Variants in DNER observed in about 807,000 individuals in gnomAD.
The protein encoded by DNER is delta and Notch-like epidermal growth factor-related receptor.
A neutral mutation model predicts 78.2 loss-of-function variants in DNER; 33 were observed. The observed-to-expected ratio is 0.42, with a 90% confidence interval of 0.32 to 0.56. DNER has a LOEUF of 0.56. DNER is among the 20% of genes least tolerant of loss of function. The pLI is 0.11. For missense variants in DNER, 918 were observed against 975.3 expected, an observed-to-expected ratio of 0.94 and a Z score of 0.78; for synonymous variants, 417 against 384.8, an observed-to-expected ratio of 1.08 and a Z score of -0.98.
chr2:229,695,134 T>A (rs1699642416), intron 1 of DNER, among the ~76,000 whole-genome samples: 1 of 152,214 alleles, frequency 6.6e-6, no homozygotes, highest in African/African-American at 2.4e-5. Flanking sequence ...TTGCTTCCCC[T>A]TTCACCATGA....
chr2:229,604,484 G>T (rs1697896015), intron 1 of DNER, among the ~76,000 whole-genome samples: 1 of 152,160 alleles, frequency 6.6e-6, no homozygotes, highest in African/African-American at 2.4e-5. Context: ...AGAAGTTGGA[G>T]AGAGAAATCT....
chr2:229,373,097 A>G (rs995100285), intron 11 of DNER, among the ~76,000 whole-genome samples: 3 of 152,202 alleles, frequency 2.0e-5, no homozygotes, highest in Admixed American at 6.5e-5. Flanking sequence ...AAAAATTGAC[A>G]AGTGAGACCT....
intron 1 of DNER, among the ~76,000 whole-genome samples, chr2:229,684,124 T>TGTGTG (rs1559208232): frequency 0.017 from 1,147 of 66,864 alleles, no homozygotes; most frequent in Non-Finnish European, 0.022. Flanking sequence ...GTGTGTGTGT[T>TGTGTG]TGTGTGTGTG....
At chr2:229,396,289 C>A (rs568270312) in intron 10 of DNER, among the ~76,000 whole-genome samples, 1 of 133,950 alleles carries the variant, frequency 7.5e-6, no homozygotes, top group Non-Finnish European at 1.6e-5. Context: ...AACTCAAATG[C>A]CTTTTAGTTT....
At chr2:229,568,436 T>C (rs1274080063) in intron 4 of DNER, among the ~76,000 whole-genome samples, 1 of 152,176 alleles carries the variant, frequency 6.6e-6, no homozygotes, top group Non-Finnish European at 1.5e-5. Flanking sequence ...GACTCCGCAG[T>C]AGGAAATGCA....
Position 229,404,874 on chromosome 2 carries a change from A to G in DNER, c.1723+2358T>C, listed in dbSNP as rs183178306. ...AGGAGAATATTTCTAAACTCTTGAT[A>G]TATAGAATCTTTCAGCATGAAACAC... is the stretch of plus-strand genomic sequence containing the variant. On this transcript the variant is annotated intron_variant, in intron 10 of 12. Coordinates refer to ENST00000341772, the MANE Select transcript of DNER (RefSeq NM_139072.4). Among the ~76,000 whole-genome samples the G allele has an allele frequency of 1.5e-3, 224 of 152,352 alleles. 2 individuals are homozygous for G. In the Middle Eastern group the frequency reaches 0.024, roughly 16 times the overall value.
chr2:229,651,572 CTA>C (rs895317702), intron 1 of DNER, among the ~76,000 whole-genome samples: 4 of 152,234 alleles, frequency 2.6e-5, no homozygotes, highest in African/African-American at 4.8e-5. Flanking sequence ...AGCCAGGTCT[CTA>C]TCCATTCTCA....
intron 8 of DNER, among the ~76,000 whole-genome samples, chr2:229,443,833 C>G (rs550825290): frequency 6.6e-6 from 1 of 152,134 alleles, no homozygotes. Flanking sequence ...AAGATGAAGA[C>G]GAGAAATTTC....
At chr2:229,641,294 T>C (rs1162527699) in intron 1 of DNER, among the ~76,000 whole-genome samples, 1 of 152,112 alleles carries the variant, frequency 6.6e-6, no homozygotes, top group Non-Finnish European at 1.5e-5. Flanking sequence ...GTTGGATGGA[T>C]CTTTAATAGT....
At chr2:229,580,722 T>C (rs1697377280) in intron 4 of DNER, among the ~76,000 whole-genome samples, 1 of 152,162 alleles carries the variant, frequency 6.6e-6, no homozygotes, top group Non-Finnish European at 1.5e-5. Context: ...TCGGGGTTTC[T>C]CTGAGGCAGG....
intron 6 of DNER, among the ~76,000 whole-genome samples, chr2:229,503,800 A>T (rs570167026): frequency 6.6e-6 from 1 of 152,304 alleles, no homozygotes; most frequent in South Asian, 2.1e-4. Context: ...TGAATATAGT[A>T]GCACTACCTC....
chr2:229,420,576 T>A (rs1451069776), intron 8 of DNER, among the ~76,000 whole-genome samples: 2 of 152,188 alleles, frequency 1.3e-5, no homozygotes, highest in African/African-American at 2.4e-5. Context: ...AAGCTTTTAG[T>A]CCATTTTGAG....
Position 229,463,651 on chromosome 2 carries a change from G to T in DNER, c.1261+13489C>A, listed in dbSNP as rs373874034. ...AATGTGATCTCCCTATGTTGCCCAG[G>T]CTTGTCTTGAACTCCTGCCCTCAAG... On this transcript the variant is annotated intron_variant, in intron 7 of 12. Coordinates refer to ENST00000341772, the MANE Select transcript of DNER (RefSeq NM_139072.4). 3.7e-4 allele frequency among the ~76,000 whole-genome samples: 56 copies of T among 152,186 alleles called. 1 individual carries two copies. Among genetic ancestry groups the T allele is most frequent in the African/African-American group, 1.3e-3 (53 of 41,540 alleles).
At chr2:229,617,014 C>A (rs1470717852) in intron 1 of DNER, among the ~76,000 whole-genome samples, 5 of 152,106 alleles carry the variant, frequency 3.3e-5, no homozygotes, top group Non-Finnish European at 7.4e-5. Flanking sequence ...TGAAGAAGAA[C>A]CGAAAGATGA....
chr2:229,369,586 G>C (rs976882988), intron 11 of DNER, among the ~76,000 whole-genome samples: 29 of 152,184 alleles, frequency 1.9e-4, no homozygotes, highest in African/African-American at 7.0e-4. Flanking sequence ...AGGAGGGAAG[G>C]ATAAAGGGTC....
chr2:229,714,364 C>T lies in DNER; in HGVS notation c.60G>A (p.Leu20=). The change falls in exon 1 of 13, where the codon CTG becomes CTA. Residue 20 remains leucine (L), a synonymous_variant. Coordinates refer to ENST00000341772, the MANE Select transcript of DNER (RefSeq NM_139072.4). ...GGGGCCCCGCTCCGAGCAGCAGCAG[C>T]AGCAGGGCCAGCGCGGGCAGCAGCT... ...GAQLLPALAL[L]LLLLGAGPRG... The T allele has an allele frequency of 2.4e-6, 3 of 1,226,850 alleles. No individual in the cohort carries two copies. The highest frequency in any genetic ancestry group is 1.0e-6 in the Non-Finnish European group (1 of 987,540). 76.0% of individuals were successfully genotyped at this position (1,226,850 alleles called of 1,614,324 possible).
intron 12 of DNER, among the ~76,000 whole-genome samples, chr2:229,360,553 C>T (rs1243562940): frequency 6.6e-6 from 1 of 152,192 alleles, no homozygotes; most frequent in African/African-American, 2.4e-5. Flanking sequence ...GCTGGGACTA[C>T]AGGCGCCCGC....
intron 10 of DNER, among the ~76,000 whole-genome samples, chr2:229,397,904 G>T (rs1442743678): frequency 2.6e-5 from 4 of 152,058 alleles, no homozygotes; most frequent in Non-Finnish European, 5.9e-5. Flanking sequence ...GCACTAAAAT[G>T]CATGCATTAG....
chr2:229,654,041 T>G (rs934493720), intron 1 of DNER, among the ~76,000 whole-genome samples: 5 of 152,198 alleles, frequency 3.3e-5, no homozygotes, highest in Non-Finnish European at 7.3e-5. Context: ...TATGTGTACA[T>G]GTGCCATGTT....
Sources: gnomAD v4.1 joint callset for allele counts (sites outside exome capture counted in the v4.1 genomes callset) on GRCh38, gnomAD v4.1.1 for gene constraint, MANE v1.5 for transcripts, NCBI Gene and HGNC (gene_info 2026-07-23, HGNC 2026-07-21) for gene names.